Variants in DHX34 observed in about 807,000 individuals in gnomAD.
DHX34 encodes the protein probable ATP-dependent RNA helicase DHX34.
A neutral mutation model predicts 111.1 loss-of-function variants in DHX34; 96 were observed. The ratio of observed to expected loss-of-function variants is 0.86; its 90% CI spans 0.73 to 1.02. The LOEUF is 1.02. Among genes scored for constraint, DHX34 ranks in the 50% least tolerant of loss-of-function variants. DHX34 has a pLI of 0.00. For synonymous variants in DHX34, 688 were observed against 670.4 expected, an observed-to-expected ratio of 1.03 and a Z score of -0.41; for missense variants, 1,560 against 1,579.9, an observed-to-expected ratio of 0.99 and a Z score of 0.21.
At chr19:47,369,634 A>ACGGTG (rs1292077420) in intron 7 of DHX34, among the ~76,000 whole-genome samples, 1 of 152,198 alleles carries the variant, frequency 6.6e-6, no homozygotes, top group African/African-American at 2.4e-5. Context: ...GATGCAGGGC[A>ACGGTG]CGGTGGGCAC....
chr19:47,367,168 C>G lies in DHX34; in HGVS notation c.1768+13C>G. On this transcript the variant is annotated intron_variant, in intron 7 of 16. Coordinates refer to ENST00000328771, the MANE Select transcript of DHX34 (RefSeq NM_014681.6). ...GACGTTGTGATTGGTGAGTACCCAC[C>G]CCCCTCCTGATCACTCAGGGCCCCA... 6.8e-7 allele frequency: 1 copy of G among 1,475,692 alleles called. No individual in the cohort carries two copies. The allele number at this position is 1,475,692 out of a possible 1,614,324, so 91.4% of individuals were successfully genotyped here.
chr19:47,372,424 G>A (rs981470456), intron 7 of DHX34, among the ~76,000 whole-genome samples: 1 of 152,148 alleles, frequency 6.6e-6, no homozygotes, highest in African/African-American at 2.4e-5. Context: ...GTTGTAAATA[G>A]CAAAGTGGGG....
chr19:47,382,241 C>G lies in DHX34; in HGVS notation c.*128C>G. The G allele has an allele frequency of 1.4e-6, 2 of 1,446,666 alleles. No homozygotes were observed. Among genetic ancestry groups the G allele is most frequent in the Non-Finnish European group, 9.1e-7 (1 of 1,095,434 alleles). 89.6% of individuals were successfully genotyped at this position (1,446,666 alleles called of 1,614,324 possible). ...GTGGTCCTGTCCCAGTGCAGAGGGC[C>G]TGGAGCACGGATTGTGAATAAAGCC... On this transcript the variant is annotated 3_prime_UTR_variant, in exon 17 of 17. Coordinates refer to ENST00000328771, the MANE Select transcript of DHX34 (RefSeq NM_014681.6).
Position 47,376,004 on chromosome 19 carries a change from G to C in DHX34, c.2388G>C (p.Gln796His). The C allele has an allele frequency of 6.2e-7, 1 of 1,605,236 alleles. No homozygotes were observed. The change falls in exon 11 of 17, where the codon CAG becomes CAC. Residue 796 changes from glutamine to histidine, a missense_variant. Coordinates refer to ENST00000328771, the MANE Select transcript of DHX34 (RefSeq NM_014681.6). ...ASSAQDLSRE[Q>H]LALLKLVLGR... is the part of the protein sequence containing the mutation. ...CAGCCCAGGACCTGAGCCGCGAGCA[G>C]CTGGCTCTGCTGAAGCTGGTGCTGG...
At chr19:47,359,239 A>T (rs1969550877) in intron 4 of DHX34, among the ~76,000 whole-genome samples, 4 of 152,076 alleles carry the variant, frequency 2.6e-5, no homozygotes, top group Admixed American at 2.6e-4. Context: ...AGACAGGAGG[A>T]TCACTCGAGC....
chr19:47,380,115 A>C (rs1185424990), intron 14 of DHX34, 130 bp downstream of exon 14: 1 of 1,403,098 alleles, frequency 7.1e-7, no homozygotes, highest in Non-Finnish European at 9.4e-7. Flanking sequence ...CAGGCCACAG[A>C]GGTTCAGTCA....
intron 13 of DHX34, 44 bp downstream of exon 13, chr19:47,377,250 C>T (rs779421072): frequency 1.9e-6 from 3 of 1,574,174 alleles, no homozygotes; most frequent in Non-Finnish European, 2.6e-6. Flanking sequence ...GATATGAGAG[C>T]TGCGTTGCCC....
chr19:47,378,473 C>T (rs550453491), intron 13 of DHX34, among the ~76,000 whole-genome samples: 82 of 152,230 alleles, frequency 5.4e-4, no homozygotes, highest in African/African-American at 1.8e-3. Context: ...AGAGGATTGG[C>T]GACCAGCCGG....
At chr19:47,365,822 C>A (rs1324250416) in intron 6 of DHX34, among the ~76,000 whole-genome samples, 1 of 152,180 alleles carries the variant, frequency 6.6e-6, no homozygotes, top group Non-Finnish European at 1.5e-5. Context: ...CATATGCTGT[C>A]ACTTAATTCT....
chr19:47,366,608 G>A (rs562823767), intron 6 of DHX34, among the ~76,000 whole-genome samples: 13 of 149,258 alleles, frequency 8.7e-5, no homozygotes, highest in Middle Eastern at 4.0e-3. Context: ...ATGGAGTCTC[G>A]GTGTATTGCC....
In DHX34 at chr19:47,375,676, C is replaced by T. The variant is rs1358900901; in HGVS notation, c.2275C>T (p.Pro759Ser). 1.0e-5 allele frequency: 16 copies of T among 1,556,940 alleles called. No homozygotes were observed. The highest frequency in any genetic ancestry group is 1.4e-5 in the Non-Finnish European group (16 of 1,155,208). Residue 759 changes from proline (P) to serine (S), a missense_variant, in exon 10 of 17, where the codon CCC (proline) becomes TCC (serine). By Grantham distance (74) the Pro-to-Ser change is moderately conservative. Transcript: ENST00000328771. Reference sequence around the variant, plus strand: ...TGACGAGGACAGGGCTGGCCCAGCCCCCCCAGGGGCCAGTGATGGCGTGGA... The same window carrying T: ...TGACGAGGACAGGGCTGGCCCAGCCTCCCCAGGGGCCAGTGATGGCGTGGA... Reference protein sequence around the residue: ...SSDEDRAGPAPPGASDGVDIQ... With the variant: ...SSDEDRAGPASPGASDGVDIQ...
chr19:47,362,290 A>T (rs868429765), intron 5 of DHX34, 186 bp from the exon 6 acceptor site: 106 of 663,558 alleles, frequency 1.6e-4, no homozygotes, highest in Middle Eastern at 7.4e-4. Context: ...AAAAAAAAAA[A>T]GATGTGTGAG....
intron 2 of DHX34, 117 bp from the exon 3 acceptor site, chr19:47,354,922 G>A (rs1247451871): frequency 2.0e-6 from 3 of 1,511,666 alleles, no homozygotes; most frequent in African/African-American, 2.8e-5. Flanking sequence ...CCAAAGTGCT[G>A]GGATTACAGG....
chr19:47,359,594 C>T (rs991894850), intron 4 of DHX34, among the ~76,000 whole-genome samples: 4 of 152,126 alleles, frequency 2.6e-5, no homozygotes, highest in Admixed American at 6.5e-5. Flanking sequence ...CCAGCCTGGC[C>T]GACATGGTGA....
At position 47,381,278 on chromosome 19, in the gene DHX34, C is replaced by T. The variant is rs138943688; in HGVS notation, c.3252C>T (p.Ile1084=). 3.3e-4 allele frequency: 536 copies of T among 1,614,040 alleles called. No homozygotes were observed. Among genetic ancestry groups the T allele is most frequent in the Non-Finnish European group, 4.3e-4 (510 of 1,179,958 alleles). The change falls in exon 16 of 17, where the codon ATC becomes ATT. Residue 1084 remains isoleucine, a synonymous_variant. Coordinates refer to ENST00000328771, the MANE Select transcript of DHX34 (RefSeq NM_014681.6). ...CGCCCCTCACGCCCCTGGAGCGCATCGCCCATGAGAACACCTGCCCCCAGG... is the reference window on the plus strand; with the variant it reads ...CGCCCCTCACGCCCCTGGAGCGCATTGCCCATGAGAACACCTGCCCCCAGG... ...LHAPLTPLER[I]AHENTCPQAP...
chr19:47,368,280 TCA>T (rs1188094451), intron 7 of DHX34, among the ~76,000 whole-genome samples: 4 of 136,120 alleles, frequency 2.9e-5, no homozygotes, highest in Admixed American at 1.5e-4. Context: ...AACAGTCTCA[TCA>T]TTCATTCATT....
rs1969511960 is a variant in DHX34, at chr19:47,358,030, G to C, written c.1182G>C (p.Val394=). ...GCGGCATGGCGGAGATCAGCGCCGTGCTGGAGGCTGCCCAGACCTATGCCA... is the reference window on the plus strand; with the variant it reads ...GCGGCATGGCGGAGATCAGCGCCGTCCTGGAGGCTGCCCAGACCTATGCCA... ...FLSGMAEISA[V]LEAAQTYASH... The change falls in exon 4 of 17, where the codon GTG becomes GTC. Residue 394 remains valine (V), a synonymous_variant. Coordinates refer to ENST00000328771, the MANE Select transcript of DHX34 (RefSeq NM_014681.6). 4 of 1,613,412 alleles carry C rather than the reference G, an allele frequency of 2.5e-6. No homozygotes were observed. The East Asian group carries it at 8.9e-5, about 36-fold the overall frequency.
At chr19:47,372,956 ACCCTG>A in intron 8 of DHX34, 33 bp downstream of exon 8, 1 of 1,368,820 alleles carries the variant, frequency 7.3e-7, no homozygotes, top group Non-Finnish European at 9.6e-7. Context: ...TCTGTCTGTC[ACCCTG>A]CTCAGGGCCA....
intron 13 of DHX34, among the ~76,000 whole-genome samples, chr19:47,378,553 A>G (rs867651832): frequency 1.3e-5 from 2 of 152,022 alleles, no homozygotes; most frequent in African/African-American, 4.8e-5. Context: ...TGTTGAGAGA[A>G]TCTGGCCAGC....
Sources: allele counts gnomAD v4.1 joint callset (sites outside exome capture counted in the v4.1 genomes callset), GRCh38; gene constraint gnomAD v4.1.1; transcripts MANE v1.5; gene names NCBI Gene and HGNC (gene_info 2026-07-23, HGNC 2026-07-21).